ELN: variants seen among roughly 807,000 people sequenced by gnomAD.
ELN encodes the protein elastin.
ELN carries 65 observed loss-of-function variants against 105.8 expected under a neutral mutation model. That is an observed-to-expected ratio of 0.61 (90% CI 0.50 to 0.75). The LOEUF (loss-of-function observed/expected upper bound fraction) is 0.75, where lower values mean the gene tolerates loss of function less well. Among genes scored for constraint, ELN ranks in the 30% least tolerant of loss-of-function variants. ELN has a pLI of 0.00. For missense variants in ELN, 882 were observed against 969.4 expected, an observed-to-expected ratio of 0.91 and a Z score of 1.20; for synonymous variants, 368 against 389.2, an observed-to-expected ratio of 0.95 and a Z score of 0.64.
intron 29 of ELN, among the ~76,000 whole-genome samples, chr7:74,065,303 A>G (rs1554688300): frequency 6.6e-6 from 1 of 151,894 alleles, no homozygotes; most frequent in Non-Finnish European, 1.5e-5. Context: ...GGCAGACGGT[A>G]AAGGGTGAGT....
intron 29 of ELN, among the ~76,000 whole-genome samples, chr7:74,065,478 G>A (rs1554688396): frequency 6.6e-6 from 1 of 152,060 alleles, no homozygotes; most frequent in African/African-American, 2.4e-5. Flanking sequence ...GCCAGGCGTG[G>A]TGGTGGGTGC....
Position 74,046,266 on chromosome 7 carries a change from T to G in ELN, c.571+49T>G, listed in dbSNP as rs369158067. 1.9e-6 allele frequency: 3 copies of G among 1,613,672 alleles called. No individual in the cohort carries two copies. The East Asian group carries it at 6.7e-5, about 36-fold the overall frequency. On this transcript the variant is annotated intron_variant, in intron 11 of 32. Transcript: ENST00000252034. ...GCAGGGTGGCCAGCCAGGCAGAGGC[T>G]CTGGCGTTGGGAGGGGTTGGGCACC...
intron 32 of ELN, among the ~76,000 whole-genome samples, chr7:74,067,350 C>T (rs957417057): frequency 2.2e-4 from 34 of 152,036 alleles, no homozygotes; most frequent in Non-Finnish European, 4.4e-4. Flanking sequence ...TCACTGCAAC[C>T]TCTGCCTCCT....
rs781896753 is a variant in ELN, at chr7:74,060,232, C to T, written c.1621+48C>T. 12 of 1,614,024 alleles carry T rather than the reference C, an allele frequency of 7.4e-6. No individual in the cohort carries two copies. The South Asian group carries it at 1.3e-4, about 18-fold the overall frequency. ...TCTCCTCTCCCCAACGATCTCAGAG[C>T]TGGTTAGGGGCAACAGCCAGGGAGG... is the stretch of plus-strand genomic sequence containing the variant. On this transcript the variant is annotated intron_variant, in intron 24 of 32. Coordinates refer to ENST00000252034, the MANE Select transcript of ELN (RefSeq NM_000501.4).
chr7:74,044,255 G>A (rs1182430373), intron 9 of ELN, among the ~76,000 whole-genome samples: 2 of 151,992 alleles, frequency 1.3e-5, no homozygotes, highest in Admixed American at 1.3e-4. Flanking sequence ...CAAAGAAAAA[G>A]AAAAAGGAAA....
intron 31 of ELN, among the ~76,000 whole-genome samples, 156 bp from the exon 32 acceptor site, chr7:74,066,576 A>G (rs1444279828): frequency 6.6e-6 from 1 of 152,138 alleles, no homozygotes; most frequent in Non-Finnish European, 1.5e-5. Context: ...CAAAAAAATA[A>G]TAATAAAATA....
At chr7:74,047,587 A>G (rs1792870018) in intron 12 of ELN, 88 bp from the exon 13 acceptor site, 1 of 1,579,120 alleles carries the variant, frequency 6.3e-7, no homozygotes. Context: ...AAGCTTTAGC[A>G]CCTGTGGGGG....
rs190209806 is a variant in ELN, at chr7:74,040,201, C to T, written c.197-1015C>T. ...TGCAGTCCTCAGCTTCCCCTCCCAG[C>T]CCCTCTGTGGACAGGAAAGGTCTGA... On this transcript the variant is annotated intron_variant, in intron 4 of 32. Coordinates refer to ENST00000252034, the MANE Select transcript of ELN (RefSeq NM_000501.4). 1.8e-3 allele frequency among the ~76,000 whole-genome samples: 280 copies of T among 152,366 alleles called. 5 individuals are homozygous for T. Among genetic ancestry groups the T allele is most frequent in the Admixed American group, 0.015 (227 of 15,310 alleles).
At chr7:74,064,352 T>C (rs1451811129) in intron 29 of ELN, among the ~76,000 whole-genome samples, 3 of 150,672 alleles carry the variant, frequency 2.0e-5, no homozygotes, top group South Asian at 2.1e-4. Context: ...GAGGCGGAGC[T>C]TGCAGTGAGC....
At chr7:74,057,294 C>A in intron 21 of ELN, 1 of 1,110,248 alleles carries the variant, frequency 9.0e-7, no homozygotes, top group African/African-American at 1.6e-5. Context: ...AAGCCATTCT[C>A]TTCTTCCTCC....
chr7:74,053,044 G>T (rs1205668615), intron 17 of ELN, 119 bp from the exon 18 acceptor site: 13 of 1,474,828 alleles, frequency 8.8e-6, no homozygotes, highest in Admixed American at 3.8e-5. Context: ...CAGAGGAAAT[G>T]TCAACCCACC....
chr7:74,036,603 C>G lies in ELN; in HGVS notation c.163+19C>G. Reference sequence around the variant, plus strand: ...GGAGGAGGTGAGCTCAGAAACCACACTTGTTCATCACTGAAAGGGCCTGGG... The same window carrying G: ...GGAGGAGGTGAGCTCAGAAACCACAGTTGTTCATCACTGAAAGGGCCTGGG... On this transcript the variant is annotated intron_variant, in intron 3 of 32. Coordinates refer to ENST00000252034, the MANE Select transcript of ELN (RefSeq NM_000501.4). 1.2e-6 allele frequency: 2 copies of G among 1,614,168 alleles called. No individual in the cohort carries two copies. The highest frequency in any genetic ancestry group is 1.7e-6 in the Non-Finnish European group (2 of 1,180,036).
Position 74,042,700 on chromosome 7 carries a change from A to C in ELN, c.319A>C (p.Lys107Gln). 1 of 1,612,850 alleles carries C rather than the reference A, an allele frequency of 6.2e-7. No homozygotes were observed. Among genetic ancestry groups the C allele is most frequent in the South Asian group, 1.1e-5 (1 of 91,072 alleles). ...ADAAAAYKAA[K>Q]AGAGLGGVPG... ...CGCTGCTGCAGCCTATAAAGCTGCT[A>C]AGGCTGGTGAGTGGTGCTCTTTGGG... Residue 107 changes from lysine to glutamine, a missense_variant, in exon 6 of 33, where the codon AAG (lysine) becomes CAG (glutamine). Physicochemically the swap from Lys to Gln is moderately conservative, Grantham distance 53. Transcript: ENST00000252034.
At chr7:74,057,847 C>CCTTT in intron 22 of ELN, 151 bp downstream of exon 22, 1 of 828,440 alleles carries the variant, frequency 1.2e-6, no homozygotes, top group African/African-American at 1.7e-5. Flanking sequence ...TTTTGGCCCA[C>CCTTT]TGATGAATGA....
chr7:74,060,711 G>A, intron 25 of ELN: 1 of 1,344,078 alleles, frequency 7.4e-7, no homozygotes, highest in East Asian at 2.5e-5. Context: ...CAGAGTATCT[G>A]CCTCCTCAGT....
In ELN at chr7:74,032,009, T is replaced by C. The variant is rs918180064; in HGVS notation, c.83-3355T>C. 2.6e-5 allele frequency among the ~76,000 whole-genome samples: 4 copies of C among 151,852 alleles called. No individual in the cohort carries two copies. The East Asian group carries it at 5.8e-4, about 22-fold the overall frequency. ...AAGAGACAGAAGAGCAGATTCTCGA[T>C]TGGAGGAAGCCCTGTCTGCAGTTAG... On this transcript the variant is annotated intron_variant, in intron 1 of 32. Transcript: ENST00000252034.
intron 1 of ELN, among the ~76,000 whole-genome samples, chr7:74,033,769 A>T (rs371312420): frequency 6.6e-6 from 1 of 152,320 alleles, no homozygotes. Flanking sequence ...CCCTGGACAC[A>T]TTGCAGAGAC....
At chr7:74,065,632 AAAG>A in intron 29 of ELN, 59 bp from the exon 30 acceptor site, 1 of 1,583,538 alleles carries the variant, frequency 6.3e-7, no homozygotes, top group East Asian at 2.3e-5. Flanking sequence ...AAAAAAAAAA[AAAG>A]ACAGGGCCTG....
At position 74,063,329 on chromosome 7, in the gene ELN, CGCT is replaced by C. The variant is rs1563868767; in HGVS notation, c.1881_1883del (p.Ala630del). ...TCCCAGGAGCCGGACCCGCCGCCGC[CGCT>C]GCCGCAGCCAAAGCTGCTGCCAAAG... On this transcript the variant is annotated inframe_deletion, in exon 28 of 33. Transcript: ENST00000252034. The surrounding 1 kb of genome is among the most constrained non-coding windows in gnomAD (Gnocchi z 4.1). 6.4e-7 allele frequency: 1 copy of C among 1,551,104 alleles called. No homozygotes were observed. The highest frequency in any genetic ancestry group is 1.2e-5 in the South Asian group (1 of 84,290).
Sources: gnomAD v4.1 joint callset for allele counts (sites outside exome capture counted in the v4.1 genomes callset) on GRCh38, gnomAD v4.1.1 for gene constraint, Gnocchi (gnomAD v3.1) non-coding constraint, MANE v1.5 for transcripts, NCBI Gene and HGNC (gene_info 2026-07-23, HGNC 2026-07-21) for gene names.